Variants in GASK1B observed in about 807,000 individuals in gnomAD.
GASK1B encodes the protein golgi associated kinase 1B, also known as Golgi-associated kinase 1B.
In GASK1B, 34 loss-of-function variants were observed where a neutral mutation model predicts 42.8. The ratio of observed to expected loss-of-function variants is 0.79; its 90% CI spans 0.60 to 1.06. GASK1B has a LOEUF of 1.06. Ranked by LOEUF, GASK1B falls within the 50% of genes least tolerant of loss-of-function variation. GASK1B has a pLI of 0.00. For synonymous variants in GASK1B, 262 were observed against 259.1 expected (o/e 1.01, Z -0.11); for missense variants, 686 against 661.0 (o/e 1.04, Z -0.42).
chr4:158,155,600 G>T lies in GASK1B; in HGVS notation c.1125+11C>A. The T allele has an allele frequency of 6.2e-7, 1 of 1,609,914 alleles. No individual in the cohort carries two copies. The highest frequency in any genetic ancestry group is 1.1e-5 in the South Asian group (1 of 90,890). On this transcript the variant is annotated intron_variant, in intron 3 of 4. Coordinates refer to ENST00000585682, the MANE Select transcript of GASK1B (RefSeq NM_001128424.2). ...TCTTAGATAACTATTTGCTTGATTT[G>T]ATAAACTTACCTGTAACAAAAAATC...
At position 158,130,764 on chromosome 4, in the gene GASK1B, C is replaced by A. The variant is rs202069872; in HGVS notation, c.1352+22G>T. ...TATCTAACATAAATGTGATGTCCTGCAGATGTTACTATAAAACTTACTCTT... is the reference window on the plus strand; with the variant it reads ...TATCTAACATAAATGTGATGTCCTGAAGATGTTACTATAAAACTTACTCTT... On this transcript the variant is annotated intron_variant, in intron 4 of 4. Transcript: ENST00000585682. 6.5e-6 allele frequency: 10 copies of A among 1,546,654 alleles called. No individual in the cohort carries two copies. The East Asian group carries it at 9.0e-5, about 14-fold the overall frequency.
rs765129330 is a variant in GASK1B, at chr4:158,170,936, C to T, written c.440G>A (p.Gly147Glu). ...SAAPGQEALV[G>E]PSLQPQEAAR... ...CGCTTCCTGCGGCTGAAGGGATGGT[C>T]CGACCAAAGCCTCCTGCCCTGGGGC... The change falls in exon 2 of 5, where the codon GGA becomes GAA. Residue 147 changes from glycine (G) to glutamate (E), a missense_variant. Transcript: ENST00000585682. The T allele has an allele frequency of 1.6e-5, 26 of 1,614,104 alleles. 1 individual carries two copies. The South Asian group carries it at 2.7e-4, about 17-fold the overall frequency.
At chr4:158,143,074 A>G (rs115288108) in intron 3 of GASK1B, among the ~76,000 whole-genome samples, 2,893 of 152,296 alleles carry the variant, frequency 0.019, 98 homozygotes, top group African/African-American at 0.064. Flanking sequence ...TCACTGCTCA[A>G]TTTTATTTTG....
intron 2 of GASK1B, among the ~76,000 whole-genome samples, chr4:158,161,119 A>T (rs904041276): frequency 6.6e-6 from 1 of 152,152 alleles, no homozygotes; most frequent in African/African-American, 2.4e-5. Context: ...CACCCAAAAA[A>T]AATCATCCTA....
At chr4:158,140,102 T>A (rs147224334) in intron 3 of GASK1B, among the ~76,000 whole-genome samples, 1 of 152,340 alleles carries the variant, frequency 6.6e-6, no homozygotes, top group East Asian at 1.9e-4. Context: ...CCTGCCTTTA[T>A]TCATGCTAAA....
chr4:158,127,399 T>G lies in GASK1B; in HGVS notation c.*8A>C, dbSNP rs768918940. On this transcript the variant is annotated 3_prime_UTR_variant, in exon 5 of 5. Coordinates refer to ENST00000585682, the MANE Select transcript of GASK1B (RefSeq NM_001128424.2). Reference sequence around the variant, plus strand: ...TATATCTAACACCCTAGCCAGAAGATTCTTTTGTCATTCATTCATAGGTAA... The same window carrying G: ...TATATCTAACACCCTAGCCAGAAGAGTCTTTTGTCATTCATTCATAGGTAA... The G allele has an allele frequency of 6.2e-7, 1 of 1,609,416 alleles. No homozygotes were observed. Among genetic ancestry groups the G allele is most frequent in the Non-Finnish European group, 8.5e-7 (1 of 1,177,340 alleles).
In GASK1B at chr4:158,140,997, GA is replaced by G. The variant is rs566306858; in HGVS notation, c.1126-9986del. Among the ~76,000 whole-genome samples, 7 of 152,284 alleles carry G rather than the reference GA, an allele frequency of 4.6e-5. No homozygotes were observed. In the South Asian group the frequency reaches 1.5e-3, roughly 32 times the overall value. On this transcript the variant is annotated intron_variant, in intron 3 of 4. Transcript: ENST00000585682. ...TCAACTGGTTGTCACTTAGCAATTTGAAATTATAAATATAACATATTTGATC... is the reference window on the plus strand; with the variant it reads ...TCAACTGGTTGTCACTTAGCAATTTGAATTATAAATATAACATATTTGATC...
At chr4:158,149,203 C>T (rs1039298192) in intron 3 of GASK1B, among the ~76,000 whole-genome samples, 1 of 152,134 alleles carries the variant, frequency 6.6e-6, no homozygotes, top group African/African-American at 2.4e-5. Context: ...AAAAATTAGA[C>T]CTTATATTAT....
intron 3 of GASK1B, among the ~76,000 whole-genome samples, chr4:158,133,628 T>C (rs1421458686): frequency 6.6e-6 from 1 of 152,228 alleles, no homozygotes; most frequent in Non-Finnish European, 1.5e-5. Context: ...AAGTTAAAGG[T>C]TGAAAAGATT....
At chr4:158,145,176 T>C (rs1731282922) in intron 3 of GASK1B, among the ~76,000 whole-genome samples, 1 of 152,208 alleles carries the variant, frequency 6.6e-6, no homozygotes, top group African/African-American at 2.4e-5. Context: ...AATGATTGGT[T>C]GGAATTTTTA....
Position 158,170,955 on chromosome 4 carries a change from C to G in GASK1B, c.421G>C (p.Gly141Arg), listed in dbSNP as rs1241847939. The G allele has an allele frequency of 1.2e-6, 2 of 1,614,120 alleles. No homozygotes were observed. Among genetic ancestry groups the G allele is most frequent in the South Asian group, 2.2e-5 (2 of 91,086 alleles). ...KKHAVASAAPGQEALVGPSLQ... is the reference protein window; with the variant it reads ...KKHAVASAAPRQEALVGPSLQ... The stretch of plus-strand genomic sequence containing the variant: ...GATGGTCCGACCAAAGCCTCCTGCC[C>G]TGGGGCAGCCGATGCCACTGCATGC... The change falls in exon 2 of 5, where the codon GGG (glycine) becomes CGG (arginine). Residue 141 changes from glycine to arginine, a missense_variant. Physicochemically the swap from Gly to Arg is moderately radical, Grantham distance 125. Transcript: ENST00000585682.
At position 158,125,720 on chromosome 4, in the gene GASK1B, C is replaced by T. The variant is rs928496573; in HGVS notation, c.*1687G>A. ...TTGAAGAGGAAGATAATCCAAAGCTCAACTGTCCAGGGGGCGAGCACAGCC... is the reference window on the plus strand; with the variant it reads ...TTGAAGAGGAAGATAATCCAAAGCTTAACTGTCCAGGGGGCGAGCACAGCC... On this transcript the variant is annotated 3_prime_UTR_variant, in exon 5 of 5. Transcript: ENST00000585682. 1.3e-5 allele frequency: 2 copies of T among 152,132 alleles called. No homozygotes were observed. Among genetic ancestry groups the T allele is most frequent in the East Asian group, 1.9e-4 (1 of 5,184 alleles). 9.4% of individuals were successfully genotyped at this position (152,132 alleles called of 1,614,324 possible). A position where few individuals can be genotyped will look rare whatever the true frequency, so the allele number is the denominator to read the frequency against.
Position 158,171,464 on chromosome 4 carries a change from C to T in GASK1B, c.-89G>A, listed in dbSNP as rs1439475028. 2.8e-6 allele frequency: 4 copies of T among 1,409,192 alleles called. No individual in the cohort carries two copies. The highest frequency in any genetic ancestry group is 5.3e-5 in the Admixed American group (2 of 37,772). 87.3% of individuals were successfully genotyped at this position (1,409,192 alleles called of 1,614,324 possible). ...TGCATGGTTTCCTGACTTCAGCTGCCGCGTCCGCTTCGGGATATAAGTGGT... is the reference window on the plus strand; with the variant it reads ...TGCATGGTTTCCTGACTTCAGCTGCTGCGTCCGCTTCGGGATATAAGTGGT... On this transcript the variant is annotated 5_prime_UTR_variant, in exon 2 of 5. Transcript: ENST00000585682.
chr4:158,140,570 T>C (rs892373939), intron 3 of GASK1B, among the ~76,000 whole-genome samples: 3 of 152,210 alleles, frequency 2.0e-5, no homozygotes, highest in Non-Finnish European at 4.4e-5. Flanking sequence ...AAAACTGTTA[T>C]ATTTGCTCCC....
Position 158,127,379 on chromosome 4 carries a change from C to T in GASK1B, c.*28G>A, listed in dbSNP as rs1164369290. 1 of 1,594,216 alleles carries T rather than the reference C, an allele frequency of 6.3e-7. No homozygotes were observed. The highest frequency in any genetic ancestry group is 8.6e-7 in the Non-Finnish European group (1 of 1,166,596). ...CAAAACCAAAAATGCATAAATATAT[C>T]TAACACCCTAGCCAGAAGATTCTTT... On this transcript the variant is annotated 3_prime_UTR_variant, in exon 5 of 5. Coordinates refer to ENST00000585682, the MANE Select transcript of GASK1B (RefSeq NM_001128424.2).
intron 3 of GASK1B, among the ~76,000 whole-genome samples, chr4:158,145,215 GA>G (rs1256894758): frequency 6.6e-6 from 1 of 152,008 alleles, no homozygotes; most frequent in African/African-American, 2.4e-5. Context: ...CATTAAGTGG[GA>G]AAAAAATAAT....
chr4:158,170,553 T>G lies in GASK1B; in HGVS notation c.823A>C (p.Ser275Arg), dbSNP rs757374367. The change falls in exon 2 of 5, where the codon AGT becomes CGT. Residue 275 changes from serine to arginine, a missense_variant. Coordinates refer to ENST00000585682, the MANE Select transcript of GASK1B (RefSeq NM_001128424.2). ...TCTAGGTGGAAGGCAAACACCTCAC[T>G]CATGTCCAAGGGCTGCTTGAGAAGC... ...CGLLKQPLDM[S>R]EVFAFHLDRI... is the part of the protein sequence containing the mutation. 8.1e-6 allele frequency: 13 copies of G among 1,614,150 alleles called. No homozygotes were observed. In the South Asian group the frequency reaches 1.3e-4, roughly 16 times the overall value.
At chr4:158,159,379 C>G (rs1159904301) in intron 2 of GASK1B, 4 of 299,540 alleles carry the variant, frequency 1.3e-5, no homozygotes. Context: ...GATCTCAGAG[C>G]AATGAGTACT....
intron 3 of GASK1B, among the ~76,000 whole-genome samples, chr4:158,149,923 C>CTGTTTTTTTTTT (rs1553959259): frequency 1.5e-5 from 1 of 67,178 alleles, no homozygotes; most frequent in African/African-American, 6.1e-5. Flanking sequence ...CTGCATGCTG[C>CTGTTTTTTTTTT]TTTTTTTTTT....
Sources: gnomAD v4.1 joint callset for allele counts (sites outside exome capture counted in the v4.1 genomes callset) on GRCh38, gnomAD v4.1.1 for gene constraint, MANE v1.5 for transcripts, NCBI Gene and HGNC (gene_info 2026-07-23, HGNC 2026-07-21) for gene names.